Variants in XYLT1 observed in about 807,000 individuals in gnomAD.
XYLT1 encodes the protein beta-D-xylosyltransferase 1.
Under a neutral mutation model 91.3 loss-of-function variants are expected in XYLT1, and 36 were observed. That is an observed-to-expected ratio of 0.39 (90% CI 0.30 to 0.52). The LOEUF (loss-of-function observed/expected upper bound fraction) is 0.52, where lower values mean the gene tolerates loss of function less well. Among genes scored for constraint, XYLT1 ranks in the 20% least tolerant of loss-of-function variants. XYLT1 has a pLI of 0.68. For synonymous variants in XYLT1, 588 were observed against 532.0 expected, an observed-to-expected ratio of 1.11 and a Z score of -1.45; for missense variants, 1,242 against 1,284.5, an observed-to-expected ratio of 0.97 and a Z score of 0.51.
At chr16:17,206,219 G>A (rs571794310) in intron 3 of XYLT1, among the ~76,000 whole-genome samples, 3 of 152,264 alleles carry the variant, frequency 2.0e-5, no homozygotes, top group South Asian at 2.1e-4. Context: ...GGCAGCAGGC[G>A]CGTTGCAGAG....
chr16:17,394,430 A>T (rs9928259), intron 1 of XYLT1, among the ~76,000 whole-genome samples: 2 of 152,116 alleles, frequency 1.3e-5, no homozygotes, highest in South Asian at 4.1e-4. Context: ...CAGCTTTTTC[A>T]TTCTGCTCTC....
At chr16:17,139,053 G>A (rs1471804805) in intron 7 of XYLT1, among the ~76,000 whole-genome samples, 1 of 152,166 alleles carries the variant, frequency 6.6e-6, no homozygotes, top group Non-Finnish European at 1.5e-5. Flanking sequence ...ACTGAACCAG[G>A]TGCCATATTT....
intron 2 of XYLT1, among the ~76,000 whole-genome samples, chr16:17,333,622 C>T (rs937480770): frequency 1.4e-5 from 2 of 141,366 alleles, no homozygotes; most frequent in Non-Finnish European, 3.0e-5. Context: ...AAGTCTCACT[C>T]TGCCGCCCAG....
chr16:17,165,538 A>G (rs987903777), intron 5 of XYLT1, among the ~76,000 whole-genome samples: 2 of 152,090 alleles, frequency 1.3e-5, no homozygotes, highest in Non-Finnish European at 2.9e-5. Flanking sequence ...TACAAAAAAA[A>G]AAAAATTAGC....
chr16:17,280,417 T>A (rs1405465660), intron 2 of XYLT1, among the ~76,000 whole-genome samples: 1 of 152,238 alleles, frequency 6.6e-6, no homozygotes, highest in African/African-American at 2.4e-5. Flanking sequence ...TTTGTCTTAT[T>A]TTCTGAAACA....
intron 2 of XYLT1, among the ~76,000 whole-genome samples, chr16:17,340,956 C>T (rs925089601): frequency 6.6e-6 from 1 of 152,124 alleles, no homozygotes; most frequent in Admixed American, 6.6e-5. Context: ...ATCAAGGCAG[C>T]AAGATACTGT....
intron 1 of XYLT1, among the ~76,000 whole-genome samples, chr16:17,397,933 C>T (rs939535045): frequency 2.6e-5 from 4 of 150,974 alleles, no homozygotes; most frequent in Non-Finnish European, 5.9e-5. Context: ...AGCGATTCTC[C>T]TGCCTCAGCC....
At chr16:17,386,101 C>T (rs948961176) in intron 1 of XYLT1, among the ~76,000 whole-genome samples, 1 of 152,158 alleles carries the variant, frequency 6.6e-6, no homozygotes, top group South Asian at 2.1e-4. Context: ...TAAATAAATA[C>T]ATGACAATTA....
chr16:17,136,683 AG>A (rs1421475263), intron 8 of XYLT1, among the ~76,000 whole-genome samples: 1 of 152,172 alleles, frequency 6.6e-6, no homozygotes, highest in East Asian at 1.9e-4. Flanking sequence ...TCTAACAAAC[AG>A]GGCACGTTAC....
At chr16:17,335,579 A>G (rs117226146) in intron 2 of XYLT1, among the ~76,000 whole-genome samples, 14,662 of 151,968 alleles carry the variant, frequency 0.096, 903 homozygotes, top group Middle Eastern at 0.17. Flanking sequence ...AATCAATCAC[A>G]GCTACTCAGG....
chr16:17,375,431 C>CAA (rs66868364), intron 1 of XYLT1, among the ~76,000 whole-genome samples: 362 of 137,238 alleles, frequency 2.6e-3, no homozygotes, highest in Non-Finnish European at 4.2e-3. Flanking sequence ...TGTCGCAATG[C>CAA]AAAAAAAAAA....
chr16:17,165,219 T>C (rs1387102123), intron 5 of XYLT1, among the ~76,000 whole-genome samples: 2 of 152,238 alleles, frequency 1.3e-5, no homozygotes, highest in Admixed American at 6.5e-5. Context: ...ACCCACTTAA[T>C]CCTCATGACA....
At chr16:17,188,024 G>A (rs2032224483) in intron 5 of XYLT1, among the ~76,000 whole-genome samples, 1 of 151,952 alleles carries the variant, frequency 6.6e-6, no homozygotes. Context: ...CACAGGTGTG[G>A]GGTCCTGGTC....
chr16:17,234,200 G>A (rs1405075461), intron 3 of XYLT1, among the ~76,000 whole-genome samples: 1 of 152,152 alleles, frequency 6.6e-6, no homozygotes, highest in African/African-American at 2.4e-5. Context: ...GCCCAAGAAT[G>A]CCTAGCTTGT....
In XYLT1 at chr16:17,470,467, C is replaced by T; in HGVS notation, c.330G>A (p.Pro110=). The change falls in exon 1 of 12, where the codon CCG becomes CCA. Residue 110 remains proline (P), a synonymous_variant. Transcript: ENST00000261381. ...GGPGEPRGQQ[P]ASRGALPARA... Reference sequence around the variant, plus strand: ...GGGCGGGCAGTGCCCCCCGGCTGGCCGGCTGCTGTCCCCGCGGTTCTCCGG... The same window carrying T: ...GGGCGGGCAGTGCCCCCCGGCTGGCTGGCTGCTGTCCCCGCGGTTCTCCGG... 2 of 1,232,262 alleles carry T rather than the reference C, an allele frequency of 1.6e-6. No homozygotes were observed. Among genetic ancestry groups the T allele is most frequent in the Non-Finnish European group, 2.0e-6 (2 of 988,156 alleles). 76.3% of individuals were successfully genotyped at this position (1,232,262 alleles called of 1,614,324 possible). A position where few individuals can be genotyped will look rare whatever the true frequency, so the allele number is the denominator to read the frequency against.
intron 2 of XYLT1, among the ~76,000 whole-genome samples, chr16:17,287,450 T>G (rs1430811171): frequency 1.3e-5 from 2 of 152,192 alleles, no homozygotes; most frequent in Non-Finnish European, 2.9e-5. Flanking sequence ...CTCTGCACCA[T>G]GAGACAATTT....
chr16:17,255,637 A>G (rs1227891183), intron 3 of XYLT1, among the ~76,000 whole-genome samples: 1 of 152,200 alleles, frequency 6.6e-6, no homozygotes, highest in East Asian at 1.9e-4. Context: ...TATAGACAGG[A>G]ACCACCTCGA....
At chr16:17,325,577 C>A (rs1025995781) in intron 2 of XYLT1, among the ~76,000 whole-genome samples, 11 of 152,004 alleles carry the variant, frequency 7.2e-5, no homozygotes, top group African/African-American at 2.7e-4. Context: ...GTAGAAAATA[C>A]ACATACACGG....
intron 2 of XYLT1, among the ~76,000 whole-genome samples, chr16:17,353,378 C>T (rs944227961): frequency 3.3e-5 from 5 of 152,118 alleles, no homozygotes; most frequent in African/African-American, 1.2e-4. Context: ...GAGGCAGAGA[C>T]ACTAGAATTA....
Sources: gnomAD v4.1 joint callset for allele counts (sites outside exome capture counted in the v4.1 genomes callset) on GRCh38, gnomAD v4.1.1 for gene constraint, MANE v1.5 for transcripts, NCBI Gene and HGNC (gene_info 2026-07-23, HGNC 2026-07-21) for gene names.